The following ETFA variants were observed in gnomAD, a reference collection of about 807,000 sequenced individuals.
ETFA encodes the protein electron transfer flavoprotein subunit alpha.
In ETFA, 22 loss-of-function variants were observed where a neutral mutation model predicts 46.2. The ratio of observed to expected loss-of-function variants is 0.48; its 90% confidence interval spans 0.34 to 0.68. The LOEUF is 0.68. Ranked by LOEUF, ETFA falls within the 30% of genes least tolerant of loss-of-function variation. The pLI is 0.01. For synonymous variants in ETFA, 131 were observed against 139.9 expected (o/e 0.94, Z 0.45); for missense variants, 345 against 401.1 (o/e 0.86, Z 1.19).
intron 2 of ETFA, among the ~76,000 whole-genome samples, chr15:76,293,884 G>T (rs1189085199): frequency 1.3e-5 from 2 of 152,224 alleles, no homozygotes; most frequent in East Asian, 3.8e-4. Flanking sequence ...CAAACTTTAA[G>T]AGAATTTCCA....
chr15:76,253,698 A>T (rs1419585056), intron 9 of ETFA, among the ~76,000 whole-genome samples: 1 of 152,232 alleles, frequency 6.6e-6, no homozygotes, highest in Non-Finnish European at 1.5e-5. Flanking sequence ...AATAGCAGGC[A>T]ATTCAAGTGG....
intron 11 of ETFA, among the ~76,000 whole-genome samples, chr15:76,220,023 T>C (rs2038942342): frequency 1.3e-5 from 2 of 152,192 alleles, no homozygotes; most frequent in Admixed American, 1.3e-4. Flanking sequence ...AGCAGATACT[T>C]GTAGGCCAAT....
Position 76,221,345 on chromosome 15 carries a change from G to A in ETFA, c.963+4504C>T, listed in dbSNP as rs60191419. Among the ~76,000 whole-genome samples the A allele has an allele frequency of 4.6e-3, 695 of 152,334 alleles. 5 individuals are homozygous for A. The highest frequency in any genetic ancestry group is 0.016 in the African/African-American group (659 of 41,586). Reference sequence around the variant, plus strand: ...GGGCTGGGGGCTGGAGATGCAGAATGTAAAACAGGGAGTGAATGCTGACAG... The same window carrying A: ...GGGCTGGGGGCTGGAGATGCAGAATATAAAACAGGGAGTGAATGCTGACAG... On this transcript the variant is annotated intron_variant, in intron 11 of 11. Transcript: ENST00000557943.
intron 4 of ETFA, among the ~76,000 whole-genome samples, chr15:76,289,637 A>C (rs1467798971): frequency 2.0e-5 from 3 of 152,198 alleles, no homozygotes; most frequent in African/African-American, 4.8e-5. Context: ...TGGGAAGAAG[A>C]AGCAATAATT....
chr15:76,285,873 A>G, intron 6 of ETFA, 135 bp from the exon 7 acceptor site: 1 of 678,292 alleles, frequency 1.5e-6, no homozygotes, highest in South Asian at 1.6e-5. Context: ...AGTGCTCCTA[A>G]TTAATTCTCT....
At chr15:76,289,105 G>GT (rs141752179) in intron 4 of ETFA, among the ~76,000 whole-genome samples, 4 of 151,838 alleles carry the variant, frequency 2.6e-5, no homozygotes, top group South Asian at 2.1e-4. Flanking sequence ...TTTATGTTTT[G>GT]TTTTTTTCTG....
At chr15:76,260,054 G>C (rs2039390281) in intron 9 of ETFA, 1 of 1,487,680 alleles carries the variant, frequency 6.7e-7, no homozygotes, top group African/African-American at 1.4e-5. Context: ...TCAGCTTTCA[G>C]CATCTTCATA....
At chr15:76,311,211 C>A (rs1020059036) in intron 1 of ETFA, 139 bp downstream of exon 1, 1 of 1,017,538 alleles carries the variant, frequency 9.8e-7, no homozygotes, top group Non-Finnish European at 1.5e-6. Context: ...AACTTTGGAC[C>A]CAAGTCCCAG....
intron 1 of ETFA, among the ~76,000 whole-genome samples, chr15:76,299,821 C>T (rs2039863217): frequency 1.3e-5 from 2 of 152,042 alleles, no homozygotes; most frequent in African/African-American, 4.8e-5. Flanking sequence ...AGATTCCATT[C>T]TCTCGAATCT....
At chr15:76,222,535 T>C (rs1379412175) in intron 11 of ETFA, among the ~76,000 whole-genome samples, 2 of 152,188 alleles carry the variant, frequency 1.3e-5, no homozygotes, top group African/African-American at 4.8e-5. Flanking sequence ...ACTCTGTAGG[T>C]TCCTAGAGTC....
chr15:76,257,797 A>C (rs1444733666), intron 9 of ETFA, among the ~76,000 whole-genome samples: 8 of 152,062 alleles, frequency 5.3e-5, no homozygotes, highest in Admixed American at 5.2e-4. Context: ...GACTGGATTA[A>C]GAAAATGTGG....
At chr15:76,249,567 G>A (rs1388387387) in intron 9 of ETFA, among the ~76,000 whole-genome samples, 1 of 149,466 alleles carries the variant, frequency 6.7e-6, no homozygotes, top group East Asian at 2.0e-4. Flanking sequence ...TCAGCCTCCC[G>A]AGTAGCTGGG....
In ETFA at chr15:76,286,365, ACT is replaced by A. The variant is rs760844984; in HGVS notation, c.562+4_562+5del. ...CAAAACAAAAAAACTCCAAATGAACACTCACCCTTTTCTGAACTGGCACTACC... is the reference window on the plus strand; with the variant it reads ...CAAAACAAAAAAACTCCAAATGAACACACCCTTTTCTGAACTGGCACTACC... On this transcript the variant is annotated splice_donor_5th_base_variant and intron_variant, in intron 6 of 11. Coordinates refer to ENST00000557943, the MANE Select transcript of ETFA (RefSeq NM_000126.4). 6.4e-7 allele frequency: 1 copy of A among 1,570,630 alleles called. No individual in the cohort carries two copies. The highest frequency in any genetic ancestry group is 1.3e-5 in the African/African-American group (1 of 74,088).
At chr15:76,251,756 A>T (rs2039300675) in intron 9 of ETFA, among the ~76,000 whole-genome samples, 1 of 152,204 alleles carries the variant, frequency 6.6e-6, no homozygotes, top group Non-Finnish European at 1.5e-5. Context: ...AGGGTTCTAC[A>T]ACTAGATCAC....
chr15:76,299,615 C>T (rs1193028920), intron 1 of ETFA, among the ~76,000 whole-genome samples: 3 of 152,078 alleles, frequency 2.0e-5, no homozygotes, highest in Non-Finnish European at 4.4e-5. Context: ...ACACATTCTG[C>T]CCCCTACTCT....
At chr15:76,273,673 T>A (rs1200279986) in intron 9 of ETFA, among the ~76,000 whole-genome samples, 1 of 152,058 alleles carries the variant, frequency 6.6e-6, no homozygotes, top group Non-Finnish European at 1.5e-5. Flanking sequence ...AATAGAGCAC[T>A]GGGATGTAAG....
intron 9 of ETFA, chr15:76,259,718 T>C: frequency 7.1e-7 from 1 of 1,416,260 alleles, no homozygotes; most frequent in Non-Finnish European, 9.9e-7. Flanking sequence ...CACGGTCATG[T>C]CCCCTGCCAG....
intron 10 of ETFA, chr15:76,230,788 G>C (rs1006251379): frequency 6.4e-6 from 1 of 156,628 alleles, no homozygotes; most frequent in Admixed American, 6.2e-5. Context: ...GAGATACTGA[G>C]ATATTAAGAT....
At chr15:76,275,988 T>G (rs1254257867) in intron 8 of ETFA, among the ~76,000 whole-genome samples, 1 of 152,220 alleles carries the variant, frequency 6.6e-6, no homozygotes, top group East Asian at 1.9e-4. Flanking sequence ...TATTTTAAAC[T>G]GTTACCTATT....
Sources: allele counts gnomAD v4.1 joint callset (sites outside exome capture counted in the v4.1 genomes callset), GRCh38; gene constraint gnomAD v4.1.1; transcripts MANE v1.5; gene names NCBI Gene and HGNC (gene_info 2026-07-23, HGNC 2026-07-21).